CHCHD3: variants seen among roughly 807,000 people sequenced by gnomAD.
CHCHD3 encodes coiled-coil-helix-coiled-coil-helix domain containing 3, also known as MICOS complex subunit MIC19.
CHCHD3 carries 20 observed loss-of-function variants against 38.2 expected under a neutral mutation model. That is an observed-to-expected ratio of 0.52 (90% CI 0.37 to 0.76). The LOEUF is 0.76. CHCHD3 is among the 30% of genes least tolerant of loss of function. The pLI is 0.00. For missense variants in CHCHD3, 245 were observed against 279.2 expected (o/e 0.88, Z 0.87); for synonymous variants, 82 against 100.0 (o/e 0.82, Z 1.07).
Position 133,082,062 on chromosome 7 carries a change from C to T in CHCHD3, c.-125G>A. ...GCACAGCGGGAGCAAGGCCACGACC[C>T]CCAGAAGCAAGGAGAAGGCGCCGGT... is the stretch of plus-strand genomic sequence containing the variant. On this transcript the variant is annotated 5_prime_UTR_variant, in exon 1 of 8. Coordinates refer to ENST00000262570, the MANE Select transcript of CHCHD3 (RefSeq NM_017812.4). 4.6e-6 allele frequency: 4 copies of T among 874,620 alleles called. No individual in the cohort carries two copies. The highest frequency in any genetic ancestry group is 6.8e-6 in the Non-Finnish European group (4 of 590,706). 54.2% of individuals were successfully genotyped at this position (874,620 alleles called of 1,614,324 possible). A position where few individuals can be genotyped will look rare whatever the true frequency, so the allele number is the denominator to read the frequency against.
At chr7:132,794,905 T>C (rs1420185728) in intron 7 of CHCHD3, among the ~76,000 whole-genome samples, 4 of 152,206 alleles carry the variant, frequency 2.6e-5, no homozygotes, top group Non-Finnish European at 1.5e-5. Context: ...CAAACCCAGG[T>C]CTGCCAGATT....
At chr7:133,016,357 C>T (rs1279445565) in intron 3 of CHCHD3, among the ~76,000 whole-genome samples, 1 of 152,122 alleles carries the variant, frequency 6.6e-6, no homozygotes, top group African/African-American at 2.4e-5. Context: ...GCTCTGAAAT[C>T]GTTTTCACAG....
At chr7:133,034,950 G>C in intron 2 of CHCHD3, 1 of 1,601,212 alleles carries the variant, frequency 6.2e-7, no homozygotes, top group Non-Finnish European at 8.5e-7. Context: ...GCGATACTCT[G>C]AGTACCACAG....
At chr7:133,022,579 T>C (rs192415627) in intron 3 of CHCHD3, 177 of 432,942 alleles carry the variant, frequency 4.1e-4, no homozygotes, top group African/African-American at 3.5e-3. Context: ...TTTGCCAAGA[T>C]TTGACAGCTG....
At chr7:132,893,357 G>A (rs563175829) in intron 4 of CHCHD3, among the ~76,000 whole-genome samples, 8 of 152,228 alleles carry the variant, frequency 5.3e-5, no homozygotes, top group East Asian at 3.9e-4. Context: ...GAATGAGAGC[G>A]CTTACCCAAT....
chr7:132,825,729 C>G (rs4618639), intron 6 of CHCHD3, among the ~76,000 whole-genome samples: 104,026 of 152,104 alleles, frequency 0.68, 36,405 homozygotes, highest in African/African-American at 0.81. Context: ...TAATGCACTA[C>G]CACCCAGCTT....
intron 4 of CHCHD3, among the ~76,000 whole-genome samples, chr7:132,961,022 T>C (rs1030125338): frequency 6.6e-6 from 1 of 152,104 alleles, no homozygotes; most frequent in African/African-American, 2.4e-5. Context: ...CTCACACCTG[T>C]CATCCCAGCA....
chr7:132,954,424 G>C (rs1811109224), intron 4 of CHCHD3, among the ~76,000 whole-genome samples: 1 of 152,160 alleles, frequency 6.6e-6, no homozygotes, highest in Non-Finnish European at 1.5e-5. Flanking sequence ...GACAGTTTAG[G>C]AGAATGTGGA....
At chr7:133,021,360 T>C (rs1281737840) in intron 3 of CHCHD3, among the ~76,000 whole-genome samples, 1 of 152,286 alleles carries the variant, frequency 6.6e-6, no homozygotes, top group East Asian at 1.9e-4. Flanking sequence ...CCGGCATCCG[T>C]TCCCCCTCCT....
chr7:132,815,536 G>A, intron 6 of CHCHD3: 1 of 455,510 alleles, frequency 2.2e-6, no homozygotes, highest in Non-Finnish European at 4.4e-6. Flanking sequence ...CTGAAATGAG[G>A]GAGAAGTAAC....
At chr7:132,824,020 T>A (rs771288200) in intron 6 of CHCHD3, among the ~76,000 whole-genome samples, 1 of 152,228 alleles carries the variant, frequency 6.6e-6, no homozygotes, top group Non-Finnish European at 1.5e-5. Context: ...ATCTTTACTA[T>A]GTTCCGTCCT....
chr7:132,986,406 AAAAAG>A, intron 3 of CHCHD3, among the ~76,000 whole-genome samples: 2 of 121,144 alleles, frequency 1.7e-5, no homozygotes, highest in South Asian at 2.9e-4. Context: ...TAAAAAAAAG[AAAAAG>A]AAAAAGAAAA....
intron 3 of CHCHD3, among the ~76,000 whole-genome samples, chr7:132,985,455 A>G (rs1812080881): frequency 1.9e-5 from 1 of 53,722 alleles, no homozygotes. Flanking sequence ...CCTACTGGGA[A>G]GAGAGGAGCC....
intron 6 of CHCHD3, among the ~76,000 whole-genome samples, chr7:132,824,610 G>A (rs1270541692): frequency 6.6e-6 from 1 of 152,068 alleles, no homozygotes; most frequent in Non-Finnish European, 1.5e-5. Flanking sequence ...CACCACGCTC[G>A]GCCACCAAGT....
At chr7:133,028,521 A>G (rs1272720339) in intron 2 of CHCHD3, among the ~76,000 whole-genome samples, 1 of 152,122 alleles carries the variant, frequency 6.6e-6, no homozygotes, top group Non-Finnish European at 1.5e-5. Flanking sequence ...AGACTGGGAC[A>G]TGAGGGTTCA....
At chr7:132,795,233 C>T (rs1806576585) in intron 7 of CHCHD3, among the ~76,000 whole-genome samples, 2 of 152,280 alleles carry the variant, frequency 1.3e-5, no homozygotes, top group South Asian at 2.1e-4. Flanking sequence ...AATCAACCTA[C>T]GAGTCTCAAG....
At chr7:132,823,518 T>C (rs1027576433) in intron 6 of CHCHD3, among the ~76,000 whole-genome samples, 3 of 152,200 alleles carry the variant, frequency 2.0e-5, no homozygotes, top group Non-Finnish European at 4.4e-5. Context: ...ACCTGTATTA[T>C]TTATCAATTT....
chr7:133,058,777 C>T (rs1267556237), intron 2 of CHCHD3, among the ~76,000 whole-genome samples: 6 of 152,218 alleles, frequency 3.9e-5, no homozygotes, highest in Admixed American at 1.3e-4. Flanking sequence ...CATCATTATA[C>T]GCATTCCCTG....
intron 3 of CHCHD3, among the ~76,000 whole-genome samples, chr7:132,988,526 A>G (rs1391296645): frequency 1.3e-5 from 2 of 152,192 alleles, no homozygotes; most frequent in African/African-American, 4.8e-5. Context: ...AGCAATATAT[A>G]TTTTACATAA....
Sources: gnomAD v4.1 joint callset for allele counts (sites outside exome capture counted in the v4.1 genomes callset) on GRCh38, gnomAD v4.1.1 for gene constraint, MANE v1.5 for transcripts, NCBI Gene and HGNC (gene_info 2026-07-23, HGNC 2026-07-21) for gene names.